The following CABP1 variants were observed in gnomAD, a reference collection of about 807,000 sequenced individuals.
CABP1 encodes the protein calcium binding protein 1.
Under a neutral mutation model 34.3 loss-of-function variants are expected in CABP1, and 17 were observed. That is an observed-to-expected ratio of 0.50 (90% CI 0.34 to 0.74). The LOEUF (loss-of-function observed/expected upper bound fraction) is 0.74. Among genes scored for constraint, CABP1 ranks in the 30% least tolerant of loss-of-function variants. The pLI, the probability that CABP1 is intolerant of heterozygous loss-of-function variation, is 0.01. For missense variants in CABP1, 373 were observed against 511.1 expected (o/e 0.73, Z 2.61); for synonymous variants, 198 against 229.2 (o/e 0.86, Z 1.23).
rs117186679 is a variant in CABP1 at position 120,657,034 on chromosome 12, G to A, written c.655-2844G>A. 4.9e-4 allele frequency among the ~76,000 whole-genome samples: 74 copies of A among 152,298 alleles called. 1 individual carries two copies. In the East Asian group the frequency reaches 0.013, roughly 27 times the overall value. On this transcript the variant is annotated intron_variant, in intron 1 of 5. Coordinates refer to ENST00000316803, the MANE Select transcript of CABP1 (RefSeq NM_001033677.2). Reference sequence around the variant, plus strand: ...TGCTCCTAATGACAACTCTGTATACGTGGCACTGTCCGGTAGAACTTTCTA... The same window carrying A: ...TGCTCCTAATGACAACTCTGTATACATGGCACTGTCCGGTAGAACTTTCTA...
Position 120,661,225 on chromosome 12 carries a change from G to A in CABP1, c.1087+7G>A. ...GGACGAGTGGACTTTGAAGGTAGGT[G>A]GGGCTTGAAAGTGGGAGAGAAGCAA... On this transcript the variant is annotated splice_region_variant and intron_variant, in intron 5 of 5. Coordinates refer to ENST00000316803, the MANE Select transcript of CABP1 (RefSeq NM_001033677.2). The surrounding 1 kb of genome is among the most constrained non-coding windows in gnomAD (Gnocchi z 5.1). 3 of 1,603,452 alleles carry A rather than the reference G, an allele frequency of 1.9e-6. No individual in the cohort carries two copies. Among genetic ancestry groups the A allele is most frequent in the Non-Finnish European group, 2.5e-6 (3 of 1,178,888 alleles).
rs115793257 is a variant in CABP1, at chr12:120,650,404, C to A, written c.654+9065C>A. The A allele has an allele frequency of 9.4e-4, 1,145 of 1,218,174 alleles. 7 individuals are homozygous for A. The African/African-American group carries it at 0.015, about 16-fold the overall frequency. 75.5% of individuals were successfully genotyped at this position (1,218,174 alleles called of 1,614,324 possible). ...TTAAGAAAGTGCCCAGAAAGTTAAA[C>A]CCACACACAAACACACACACAATCC... On this transcript the variant is annotated intron_variant, in intron 1 of 5. Coordinates refer to ENST00000316803, the MANE Select transcript of CABP1 (RefSeq NM_001033677.2).
intron 1 of CABP1, among the ~76,000 whole-genome samples, chr12:120,643,907 C>T (rs889805354): frequency 6.6e-6 from 1 of 152,238 alleles, no homozygotes; most frequent in Non-Finnish European, 1.5e-5. Context: ...AGGCCTTCTT[C>T]CTTTTCATTT....
At chr12:120,664,546 C>T (rs60807885) in intron 5 of CABP1, among the ~76,000 whole-genome samples, 2,192 of 152,192 alleles carry the variant, frequency 0.014, 61 homozygotes, top group African/African-American at 0.049. Flanking sequence ...AACGGGGGCA[C>T]ATCCAGACAA....
intron 1 of CABP1, among the ~76,000 whole-genome samples, chr12:120,651,850 AG>A: frequency 6.6e-6 from 1 of 152,140 alleles, no homozygotes; most frequent in Admixed American, 6.6e-5. Flanking sequence ...GTATCTTCTT[AG>A]GGGAGTCTTC....
At chr12:120,674,193 A>C in the CABP1 span, among the ~76,000 whole-genome samples, 1 of 152,360 alleles carries the variant, frequency 6.6e-6, no homozygotes, top group African/African-American at 2.4e-5. Context: ...CAAAACAAAA[A>C]ATTAAATAGA....
At chr12:120,658,745 G>A (rs1395440585) in intron 1 of CABP1, among the ~76,000 whole-genome samples, 1 of 152,184 alleles carries the variant, frequency 6.6e-6, no homozygotes, top group South Asian at 2.1e-4. Flanking sequence ...GGTGCCACAC[G>A]CTCACTGTGG....
chr12:120,647,496 G>A lies in CABP1; in HGVS notation c.654+6157G>A, dbSNP rs549593593. 4.7e-5 allele frequency among the ~76,000 whole-genome samples: 7 copies of A among 149,550 alleles called. No homozygotes were observed. In the East Asian group the frequency reaches 1.4e-3, roughly 29 times the overall value. On this transcript the variant is annotated intron_variant, in intron 1 of 5. Coordinates refer to ENST00000316803, the MANE Select transcript of CABP1 (RefSeq NM_001033677.2). ...CTTGGCCTCCAAGGATTACAGGTGT[G>A]AGCCACCATGCCCGGCCCAGGATAT...
rs921369131 is a variant in CABP1, at chr12:120,658,239, G to A, written c.655-1639G>A. ...CTCCCGAGTAGCTGGGACTACAGGC[G>A]TGAACCACCATGCTTGGCTAACTAA... On this transcript the variant is annotated intron_variant, in intron 1 of 5. Coordinates refer to ENST00000316803, the MANE Select transcript of CABP1 (RefSeq NM_001033677.2). 3.3e-5 allele frequency among the ~76,000 whole-genome samples: 5 copies of A among 152,082 alleles called. No individual in the cohort carries two copies. In the South Asian group the frequency reaches 1.0e-3, roughly 32 times the overall value.
the CABP1 span, among the ~76,000 whole-genome samples, chr12:120,680,806 C>G: frequency 6.6e-6 from 1 of 151,918 alleles, no homozygotes; most frequent in African/African-American, 2.4e-5. Flanking sequence ...GTCTTCTGCC[C>G]CCAACCCTAT....
At chr12:120,675,921 C>T in the CABP1 span, among the ~76,000 whole-genome samples, 1 of 152,104 alleles carries the variant, frequency 6.6e-6, no homozygotes, top group Non-Finnish European at 1.5e-5. Context: ...ACTAAAAATA[C>T]AAAATTTAGC....
At chr12:120,642,979 A>C (rs1309854638) in intron 1 of CABP1, among the ~76,000 whole-genome samples, 8 of 107,566 alleles carry the variant, frequency 7.4e-5, no homozygotes, top group Admixed American at 1.1e-4. Flanking sequence ...TTTGCAGCTG[A>C]TCTGACTCAG....
At position 120,660,042 on chromosome 12, in the gene CABP1, T is replaced by G. The variant is rs1263029844; in HGVS notation, c.685+134T>G. Reference sequence around the variant, plus strand: ...GGGTATCTTCTGTGAAACCAGCTGCTGAAGGTGTGCACAGGAGGCAAGAGA... The same window carrying G: ...GGGTATCTTCTGTGAAACCAGCTGCGGAAGGTGTGCACAGGAGGCAAGAGA... On this transcript the variant is annotated intron_variant, in intron 2 of 5. Transcript: ENST00000316803. The surrounding 1 kb of genome is among the most constrained non-coding windows in gnomAD (Gnocchi z 5.0). 11 of 1,278,174 alleles carry G rather than the reference T, an allele frequency of 8.6e-6. No individual in the cohort carries two copies. Among genetic ancestry groups the G allele is most frequent in the African/African-American group, 3.0e-5 (2 of 67,146 alleles). The allele number at this position is 1,278,174 out of a possible 1,614,324, so 79.2% of individuals were successfully genotyped here.
chr12:120,656,836 A>G (rs770188249), intron 1 of CABP1, among the ~76,000 whole-genome samples: 2 of 152,208 alleles, frequency 1.3e-5, no homozygotes, highest in African/African-American at 2.4e-5. Flanking sequence ...CAGAGGTTGC[A>G]GTGAGCCAAG....
At chr12:120,676,912 C>T in the CABP1 span, among the ~76,000 whole-genome samples, 2 of 152,010 alleles carry the variant, frequency 1.3e-5, no homozygotes, top group Non-Finnish European at 2.9e-5. Flanking sequence ...GTGTCCTTAA[C>T]ACAATGTAAA....
Position 120,660,773 on chromosome 12 carries a change from G to A in CABP1, c.872G>A (p.Gly291Glu), listed in dbSNP as rs1341053128. 1.2e-6 allele frequency: 2 copies of A among 1,614,016 alleles called. No homozygotes were observed. Among genetic ancestry groups the A allele is most frequent in the Non-Finnish European group, 1.7e-6 (2 of 1,179,942 alleles). Reference sequence around the variant, plus strand: ...TTTGATGACTTCGTGGAGCTAATGGGGCCTAAACTCCTGGCAGAGACAGCA... The same window carrying A: ...TTTGATGACTTCGTGGAGCTAATGGAGCCTAAACTCCTGGCAGAGACAGCA... ...VDFDDFVELM[G>E]PKLLAETADM... Residue 291 changes from glycine to glutamate, a missense_variant, in exon 4 of 6, where the codon GGG becomes GAG. Physicochemically the swap from Gly to Glu is moderately conservative, Grantham distance 98 (BLOSUM62 -2). Around this residue, in one of 4 missense-constraint regions of CABP1, gnomAD observed 109 missense variants for 204.8 expected, o/e 0.53. Transcript: ENST00000316803. The surrounding 1 kb of genome is among the most constrained non-coding windows in gnomAD (Gnocchi z 5.0).
the CABP1 span, among the ~76,000 whole-genome samples, chr12:120,673,026 T>C: frequency 2.0e-5 from 3 of 151,474 alleles, no homozygotes; most frequent in South Asian, 4.2e-4. Flanking sequence ...CAAGATTCCA[T>C]TGCAAAAAAG....
At chr12:120,663,695 TG>T (rs1566002420) in intron 5 of CABP1, among the ~76,000 whole-genome samples, 2 of 152,238 alleles carry the variant, frequency 1.3e-5, no homozygotes, top group African/African-American at 4.8e-5. Flanking sequence ...ATTCTCAGAA[TG>T]ACTCTATGGA....
At chr12:120,659,541 G>C in intron 1 of CABP1, 1 of 242,436 alleles carries the variant, frequency 4.1e-6, no homozygotes, top group Non-Finnish European at 7.9e-6. Flanking sequence ...CAGGGTGACA[G>C]AGTGCAATGG....
Sources: allele counts gnomAD v4.1 joint callset (sites outside exome capture counted in the v4.1 genomes callset), GRCh38; gene constraint gnomAD v4.1.1; regional missense constraint gnomAD v4.1.1; non-coding constraint Gnocchi (gnomAD v3.1); transcripts MANE v1.5; gene names NCBI Gene and HGNC (gene_info 2026-07-23, HGNC 2026-07-21).